Variants in SLC16A9 observed in about 807,000 individuals in gnomAD.
SLC16A9 encodes solute carrier family 16 member 9, also known as monocarboxylate transporter 9.
Under a neutral mutation model 44.3 loss-of-function variants are expected in SLC16A9, and 26 were observed. That is an observed-to-expected ratio of 0.59 (90% confidence interval 0.43 to 0.81). The LOEUF (loss-of-function observed/expected upper bound fraction) is 0.81. Among genes scored for constraint, SLC16A9 ranks in the 40% least tolerant of loss-of-function variants. The pLI is 0.00. For synonymous variants in SLC16A9, 230 were observed against 225.1 expected (o/e 1.02, Z -0.19); for missense variants, 559 against 595.8 (o/e 0.94, Z 0.64).
intron 1 of SLC16A9, among the ~76,000 whole-genome samples, chr10:59,701,924 G>T (rs1418244857): frequency 6.6e-6 from 1 of 152,012 alleles, no homozygotes; most frequent in Non-Finnish European, 1.5e-5. Flanking sequence ...CTCCTCCAAG[G>T]TCTCACACCG....
intron 1 of SLC16A9, among the ~76,000 whole-genome samples, chr10:59,688,352 T>C (rs1389460253): frequency 6.6e-6 from 1 of 152,210 alleles, no homozygotes; most frequent in Non-Finnish European, 1.5e-5. Context: ...TTCAGAGCAC[T>C]GGGCAGAACT....
At position 59,664,247 on chromosome 10, in the gene SLC16A9, G is replaced by A. The variant is rs753178447; in HGVS notation, c.416C>T (p.Ala139Val). The A allele has an allele frequency of 1.2e-5, 20 of 1,611,094 alleles. No individual in the cohort carries two copies. Among genetic ancestry groups the A allele is most frequent in the Middle Eastern group, 1.6e-4 (1 of 6,074 alleles). Residue 139 changes from alanine (A) to valine (V), a missense_variant, in exon 4 of 6, where the codon GCG becomes GTG. Physicochemically the swap from Ala to Val is moderately conservative, Grantham distance 64. Coordinates refer to ENST00000395348, the MANE Select transcript of SLC16A9 (RefSeq NM_194298.3). The stretch of plus-strand genomic sequence containing the variant: ...TATACCTGTTGAAATCAGGCCAAGC[G>A]CTAGGCCTCGGCGATCGTCAAAATA... Reference protein sequence around the residue: ...CQYFDDRRGLALGLISTGSSV... With the variant: ...CQYFDDRRGLVLGLISTGSSV...
At chr10:59,667,044 ATTGATATTTT>A (rs559293672) in intron 3 of SLC16A9, among the ~76,000 whole-genome samples, 145 of 152,300 alleles carry the variant, frequency 9.5e-4, no homozygotes, top group Admixed American at 7.5e-3. Context: ...AACTCAGCAA[ATTGATATTTT>A]TTGATATTTT....
intron 1 of SLC16A9, among the ~76,000 whole-genome samples, chr10:59,689,379 T>C (rs1235177852): frequency 2.0e-5 from 3 of 152,216 alleles, no homozygotes; most frequent in Admixed American, 6.5e-5. Flanking sequence ...TTTTTGAGGA[T>C]GTAGATCAGT....
rs907684791 is a variant in SLC16A9, at chr10:59,650,855, G to A, written c.*1917C>T. On this transcript the variant is annotated 3_prime_UTR_variant, in exon 6 of 6. Transcript: ENST00000395348. ...CATTGGATGTTATTTAGCAGACATA[G>A]TGAAGATGCCTTTGGACAATTATCA... is the stretch of plus-strand genomic sequence containing the variant. The A allele has an allele frequency of 6.6e-6, 1 of 152,150 alleles. No individual in the cohort carries two copies. The highest frequency in any genetic ancestry group is 6.5e-5 in the Admixed American group (1 of 15,278). 9.4% of individuals were successfully genotyped at this position (152,150 alleles called of 1,614,324 possible). A position where few individuals can be genotyped will look rare whatever the true frequency, so the allele number is the denominator to read the frequency against.
chr10:59,668,758 T>C (rs1839680896), intron 3 of SLC16A9, among the ~76,000 whole-genome samples: 1 of 152,196 alleles, frequency 6.6e-6, no homozygotes, highest in East Asian at 1.9e-4. Flanking sequence ...ATTTTTCACC[T>C]GAGTATTATG....
Position 59,684,168 on chromosome 10 carries a change from C to T in SLC16A9, c.124G>A (p.Asp42Asn). ...TTTCCTTTTCCTTCACCAAAGGCAT[C>T]CAGCCATTCTATGTACAGGACTCCA... ...AVGVLYIEWLDAFGEGKGKTA... is the reference protein window; with the variant it reads ...AVGVLYIEWLNAFGEGKGKTA... Residue 42 changes from aspartate (D) to asparagine (N), a missense_variant, in exon 2 of 6, where the codon GAT becomes AAT. Transcript: ENST00000395348. The T allele has an allele frequency of 6.2e-7, 1 of 1,614,050 alleles. No homozygotes were observed. Among genetic ancestry groups the T allele is most frequent in the Non-Finnish European group, 8.5e-7 (1 of 1,179,956 alleles).
intron 1 of SLC16A9, among the ~76,000 whole-genome samples, chr10:59,707,424 G>T (rs1171617): frequency 0.79 from 119,747 of 151,218 alleles, 47,651 homozygotes; most frequent in East Asian, 1. Context: ...TTACCAGTAG[G>T]TAGGGTTGGG....
chr10:59,709,198 C>A (rs947547102), intron 1 of SLC16A9, among the ~76,000 whole-genome samples: 1 of 152,142 alleles, frequency 6.6e-6, no homozygotes, highest in Non-Finnish European at 1.5e-5. Flanking sequence ...CCCAGGACCC[C>A]CTCCCTCTCT....
At chr10:59,671,561 A>G (rs1008909601) in intron 3 of SLC16A9, among the ~76,000 whole-genome samples, 1 of 152,184 alleles carries the variant, frequency 6.6e-6, no homozygotes, top group Non-Finnish European at 1.5e-5. Context: ...ATATTTAATT[A>G]TAGCACATAT....
intron 4 of SLC16A9, among the ~76,000 whole-genome samples, chr10:59,661,529 T>C (rs145723896): frequency 5.8e-4 from 88 of 152,292 alleles, no homozygotes; most frequent in African/African-American, 2.0e-3. Context: ...CCTTCCATGC[T>C]GATGCATAGG....
intron 2 of SLC16A9, among the ~76,000 whole-genome samples, chr10:59,682,146 T>C (rs1283900481): frequency 4.6e-5 from 7 of 152,034 alleles, no homozygotes; most frequent in Admixed American, 4.6e-4. Flanking sequence ...TTCAAGTACT[T>C]GTTGTCTCCC....
chr10:59,664,157 T>C (rs143529316), intron 4 of SLC16A9, 70 bp downstream of exon 4: 2 of 1,073,880 alleles, frequency 1.9e-6, no homozygotes, highest in African/African-American at 1.6e-5. Context: ...AACATGTCTG[T>C]GCTTGGTAAC....
intron 1 of SLC16A9, among the ~76,000 whole-genome samples, chr10:59,704,931 T>C (rs367793659): frequency 1.3e-5 from 2 of 152,188 alleles, no homozygotes. Flanking sequence ...ATTACCTTCA[T>C]AATAAAAAAA....
chr10:59,678,710 A>AT (rs1470405902), intron 2 of SLC16A9, among the ~76,000 whole-genome samples: 2 of 135,680 alleles, frequency 1.5e-5, no homozygotes, highest in Admixed American at 1.5e-4. Context: ...CGCCCGGCTA[A>AT]TTTTTTGTAT....
At chr10:59,686,254 C>CT (rs1299819366) in intron 1 of SLC16A9, among the ~76,000 whole-genome samples, 7 of 152,028 alleles carry the variant, frequency 4.6e-5, no homozygotes, top group African/African-American at 1.7e-4. Context: ...TCTAATGGGG[C>CT]TTTTTCTGTC....
rs1476382359 is a variant in SLC16A9, at chr10:59,650,944, A to C, written c.*1828T>G. On this transcript the variant is annotated 3_prime_UTR_variant, in exon 6 of 6. Coordinates refer to ENST00000395348, the MANE Select transcript of SLC16A9 (RefSeq NM_194298.3). ...TTTTTCAGGTTATTGGGTTTCCTGA[A>C]CATAACTGGCAAAAAGGAACTTTCA... 1 of 151,936 alleles carries C rather than the reference A, an allele frequency of 6.6e-6. No individual in the cohort carries two copies. Among genetic ancestry groups the C allele is most frequent in the Admixed American group, 6.5e-5 (1 of 15,274 alleles). 9.4% of individuals were successfully genotyped at this position (151,936 alleles called of 1,614,324 possible).
intron 3 of SLC16A9, among the ~76,000 whole-genome samples, chr10:59,672,380 C>G (rs1324469211): frequency 1.3e-5 from 2 of 152,244 alleles, no homozygotes; most frequent in East Asian, 1.9e-4. Context: ...TTTGTGAACA[C>G]AAACAGCTTC....
intron 1 of SLC16A9, 31 bp downstream of exon 1, chr10:59,709,448 G>C (rs1840717137): frequency 6.6e-6 from 1 of 152,466 alleles, no homozygotes; most frequent in African/African-American, 2.4e-5. Context: ...GCCCACCTTT[G>C]GAACCCTCCC....
Sources: gnomAD v4.1 joint callset for allele counts (sites outside exome capture counted in the v4.1 genomes callset) on GRCh38, gnomAD v4.1.1 for gene constraint, MANE v1.5 for transcripts, NCBI Gene and HGNC (gene_info 2026-07-23, HGNC 2026-07-21) for gene names.